DIAPH2: variants seen among roughly 807,000 people sequenced by gnomAD.
DIAPH2 encodes the protein diaphanous related formin 2.
DIAPH2 carries 35 observed loss-of-function variants against 92.7 expected under a neutral mutation model. The ratio of observed to expected loss-of-function variants is 0.38; its 90% CI spans 0.29 to 0.50. The LOEUF (loss-of-function observed/expected upper bound fraction) is 0.50, where lower values mean the gene tolerates loss of function less well. Among genes scored for constraint, DIAPH2 ranks in the 20% least tolerant of loss-of-function variants. The probability of loss-of-function intolerance (pLI) is 0.94; values close to 1 mark genes in which losing one functional copy is unlikely to be tolerated. For synonymous variants in DIAPH2, 301 were observed against 280.4 expected, an observed-to-expected ratio of 1.07 and a Z score of -0.73; for missense variants, 701 against 819.5, an observed-to-expected ratio of 0.86 and a Z score of 1.77.
At chrX:97,319,676 A>G (rs927444767) in intron 23 of DIAPH2, among the ~76,000 whole-genome samples, 9 of 110,804 alleles carry the variant, frequency 8.1e-5, no homozygotes, top group African/African-American at 2.6e-4. Context: ...GTGAGCCACC[A>G]CGCCCGGCCA....
intron 4 of DIAPH2, among the ~76,000 whole-genome samples, chrX:96,818,123 T>C (rs111611801): frequency 0.084 from 2,332 of 27,762 alleles, 235 homozygotes; most frequent in African/African-American, 0.3. Flanking sequence ...GGACGGCAGG[T>C]GCCCGCCAAA....
At chrX:96,879,347 A>G (rs1569418558) in intron 4 of DIAPH2, among the ~76,000 whole-genome samples, 1 of 111,306 alleles carries the variant, frequency 9.0e-6, no homozygotes, top group Non-Finnish European at 1.9e-5. Context: ...CAACAGGGTT[A>G]AATTCCATAT....
chrX:97,167,536 G>A (rs1160480527), intron 22 of DIAPH2, among the ~76,000 whole-genome samples: 1 of 111,204 alleles, frequency 9.0e-6, no homozygotes, highest in Non-Finnish European at 1.9e-5. Flanking sequence ...TGACCTCATG[G>A]ACCTGCTGAA....
rs1362470136 is a variant in DIAPH2 at position 96,962,382 on chromosome X, C to CATATATATATACAT, written c.1936-2702_1936-2701insTACATATATATATA. 5.6e-4 allele frequency among the ~76,000 whole-genome samples: 32 copies of CATATATATATACAT among 57,170 alleles called. 2 individuals are homozygous for CATATATATATACAT. Among genetic ancestry groups the CATATATATATACAT allele is most frequent in the East Asian group, 8.8e-4 (2 of 2,284 alleles). The allele number at this position is 57,170 out of a possible 115,157, so 49.6% of individuals were successfully genotyped here. On this transcript the variant is annotated intron_variant, in intron 16 of 26. Transcript: ENST00000324765. The stretch of plus-strand genomic sequence containing the variant: ...ATATATATACACATATATATATACA[C>CATATATATATACAT]ATATATATACACATATATATACACA...
chrX:97,350,019 T>A (rs369741788), intron 24 of DIAPH2, among the ~76,000 whole-genome samples: 18 of 111,401 alleles, frequency 1.6e-4, no homozygotes, highest in African/African-American at 5.9e-4. Flanking sequence ...TATATAAGAA[T>A]ATGTATGTGG....
At position 96,949,029 on chromosome X, in the gene DIAPH2, T is replaced by G; in HGVS notation, c.1604T>G (p.Leu535Arg). ...IKELEAEIQQ[L>R]RTQAQVLSSS... The stretch of plus-strand genomic sequence containing the variant: ...GAACTTGAAGCAGAAATCCAGCAAC[T>G]TCGAACCCAGGTAATGAAAGAAGAT... The change falls in exon 15 of 27, where the codon CTT becomes CGT. Residue 535 changes from leucine to arginine, a missense_variant. Coordinates refer to ENST00000324765, the MANE Select transcript of DIAPH2 (RefSeq NM_006729.5). The G allele has an allele frequency of 3.4e-6, 4 of 1,186,512 alleles. No homozygotes were observed. Among genetic ancestry groups the G allele is most frequent in the Non-Finnish European group, 4.6e-6 (4 of 876,872 alleles).
chrX:96,841,252 T>C (rs1050164495), intron 4 of DIAPH2, among the ~76,000 whole-genome samples: 1 of 112,173 alleles, frequency 8.9e-6, no homozygotes, highest in African/African-American at 3.2e-5. Context: ...TATGTTATCC[T>C]CTTATTAAAT....
chrX:96,928,035 A>G (rs2065595393), intron 9 of DIAPH2, among the ~76,000 whole-genome samples: 1 of 111,174 alleles, frequency 9.0e-6, no homozygotes, highest in African/African-American at 3.3e-5. Flanking sequence ...CATCTTACCC[A>G]TCCTTAAAAT....
intron 10 of DIAPH2, among the ~76,000 whole-genome samples, chrX:96,934,124 C>G (rs2065641245): frequency 9.0e-6 from 1 of 111,194 alleles, no homozygotes; most frequent in African/African-American, 3.3e-5. Flanking sequence ...TTTAGTTTAT[C>G]ACAACTTGGG....
chrX:97,334,216 A>G (rs1047307322), intron 23 of DIAPH2, among the ~76,000 whole-genome samples: 2 of 110,209 alleles, frequency 1.8e-5, no homozygotes, highest in East Asian at 5.8e-4. Context: ...TAATCCCAGC[A>G]CTTTGGGAGG....
At chrX:97,315,706 A>G (rs1213553362) in intron 23 of DIAPH2, among the ~76,000 whole-genome samples, 1 of 108,966 alleles carries the variant, frequency 9.2e-6, no homozygotes, top group African/African-American at 3.3e-5. Context: ...TAGAAAGAAC[A>G]CGAGCTTTGG....
chrX:96,793,253 C>T (rs956353445), intron 4 of DIAPH2, among the ~76,000 whole-genome samples: 4 of 112,180 alleles, frequency 3.6e-5, no homozygotes, highest in Non-Finnish European at 7.5e-5. Context: ...CTCTGTCTCC[C>T]GGGTTCAAGC....
intron 22 of DIAPH2, among the ~76,000 whole-genome samples, chrX:97,173,895 G>A (rs1222390765): frequency 2.9e-5 from 3 of 105,215 alleles, no homozygotes; most frequent in African/African-American, 7.0e-5. Context: ...GTGACAGAAT[G>A]AGACCCTATC....
At chrX:97,045,848 A>ACTTTTT (rs1239959717) in intron 17 of DIAPH2, among the ~76,000 whole-genome samples, 1,119 of 64,357 alleles carry the variant, frequency 0.017, 42 homozygotes, top group African/African-American at 0.065. Flanking sequence ...GTATTTTAGG[A>ACTTTTT]TTTTTTTTTT....
intron 17 of DIAPH2, among the ~76,000 whole-genome samples, chrX:97,005,600 C>A (rs1233736560): frequency 9.0e-6 from 1 of 111,079 alleles, no homozygotes; most frequent in Non-Finnish European, 1.9e-5. Flanking sequence ...AGTGCAGTGG[C>A]GTGATCTCGG....
intron 1 of DIAPH2, among the ~76,000 whole-genome samples, chrX:96,686,629 G>T (rs1010970878): frequency 9.0e-6 from 1 of 111,647 alleles, no homozygotes; most frequent in Non-Finnish European, 1.9e-5. Context: ...TTGAATCCAA[G>T]AGTTTGTTAA....
At position 96,738,581 on chromosome X, in the gene DIAPH2, T is replaced by G. The variant is rs1385901768; in HGVS notation, c.166-5T>G. On this transcript the variant is annotated splice_polypyrimidine_tract_variant and splice_region_variant and intron_variant, in intron 2 of 26. Transcript: ENST00000324765. ...GGCTTTTTATTTATTTATTTTTGTT[T>G]GCAGCGTGACCGAATTACAAGTTTT... 1.7e-6 allele frequency: 2 copies of G among 1,182,007 alleles called. No individual in the cohort carries two copies. The highest frequency in any genetic ancestry group is 3.6e-5 in the African/African-American group (2 of 55,464).
At chrX:96,874,340 C>T (rs1162342074) in intron 4 of DIAPH2, among the ~76,000 whole-genome samples, 4 of 111,556 alleles carry the variant, frequency 3.6e-5, no homozygotes, top group Non-Finnish European at 7.5e-5. Flanking sequence ...CCTCAAATAC[C>T]ATGGATAATG....
intron 17 of DIAPH2, among the ~76,000 whole-genome samples, chrX:96,996,102 A>T (rs2066103449): frequency 8.9e-6 from 1 of 112,037 alleles, no homozygotes; most frequent in African/African-American, 3.2e-5. Context: ...AGAATCTGAA[A>T]TTCAAAGCAG....
Sources: gnomAD v4.1 joint callset for allele counts (sites outside exome capture counted in the v4.1 genomes callset) on GRCh38, gnomAD v4.1.1 for gene constraint, MANE v1.5 for transcripts, NCBI Gene and HGNC (gene_info 2026-07-23, HGNC 2026-07-21) for gene names.